LRRC43: variants seen among roughly 807,000 people sequenced by gnomAD.
The protein encoded by LRRC43 is leucine-rich repeat-containing protein 43.
Under a neutral mutation model 64.3 loss-of-function variants are expected in LRRC43, and 62 were observed. The ratio of observed to expected loss-of-function variants is 0.96; its 90% CI spans 0.79 to 1.19. The LOEUF (loss-of-function observed/expected upper bound fraction) is 1.19, where lower values mean the gene tolerates loss of function less well. Ranked by LOEUF, LRRC43 falls within the 50% of genes most tolerant of loss-of-function variation. LRRC43 has a pLI of 0.00. For synonymous variants in LRRC43, 422 were observed against 382.3 expected (o/e 1.10, Z -1.21); for missense variants, 868 against 845.0 (o/e 1.03, Z -0.34).
At chr12:122,186,593 A>G (rs924606701) in intron 3 of LRRC43, among the ~76,000 whole-genome samples, 4 of 152,196 alleles carry the variant, frequency 2.6e-5, no homozygotes, top group Non-Finnish European at 5.9e-5. Context: ...ACACAACTCA[A>G]GGGTCTATAA....
At chr12:122,201,181 A>T in intron 10 of LRRC43, 115 bp from the exon 11 acceptor site, 11 of 1,139,876 alleles carry the variant, frequency 9.7e-6, no homozygotes, top group Non-Finnish European at 1.3e-5. Context: ...TCACCAGGAG[A>T]CCCCCGCCTT....
intron 5 of LRRC43, 88 bp downstream of exon 5, chr12:122,190,456 C>A: frequency 9.5e-7 from 1 of 1,057,808 alleles, no homozygotes. Context: ...TCCGTGTACC[C>A]GTCTGTCCTG....
intron 6 of LRRC43, 89 bp from the exon 7 acceptor site, chr12:122,192,656 G>A (rs1190129794): frequency 6.8e-7 from 1 of 1,465,118 alleles, no homozygotes; most frequent in Non-Finnish European, 9.4e-7. Context: ...TCATCCAGAT[G>A]TCGGGAGCTG....
Position 122,187,815 on chromosome 12 carries a change from A to G in LRRC43, c.637A>G (p.Ser213Gly). The stretch of plus-strand genomic sequence containing the variant: ...CAACAAACTTCTAGGCCCCTTGGAA[A>G]GTCTCTACGTCACCGCTAATCACTG... ...GHNKLLGPLE[S>G]LYVTANHWPN... Residue 213 changes from serine to glycine, a missense_variant, in exon 4 of 12, where the codon AGT becomes GGT. Transcript: ENST00000339777. 6.2e-7 allele frequency: 1 copy of G among 1,614,176 alleles called. No individual in the cohort carries two copies. The highest frequency in any genetic ancestry group is 8.5e-7 in the Non-Finnish European group (1 of 1,180,022).
Position 122,187,766 on chromosome 12 carries a change from C to A in LRRC43, c.588C>A (p.Gly196=), listed in dbSNP as rs764576552. The A allele has an allele frequency of 3.7e-6, 6 of 1,613,986 alleles. No individual in the cohort carries two copies. The highest frequency in any genetic ancestry group is 3.3e-5 in the Admixed American group (2 of 59,994). Residue 196 remains glycine, a synonymous_variant, in exon 4 of 12, where the codon GGC becomes GGA. Coordinates refer to ENST00000339777, the MANE Select transcript of LRRC43 (RefSeq NM_001098519.2). ...MECLCAHPPA[G]LQHLGLGHNK... is the part of the protein sequence containing the mutation. ...GTCTGTGTGCCCACCCACCCGCCGG[C>A]CTGCAGCACTTGGGGTTAGGCCACA...
Position 122,201,338 on chromosome 12 carries a change from C to T in LRRC43, c.1843+9C>T, listed in dbSNP as rs780820828. 30 of 1,613,656 alleles carry T rather than the reference C, an allele frequency of 1.9e-5. No homozygotes were observed. The highest frequency in any genetic ancestry group is 4.4e-5 in the South Asian group (4 of 91,062). ...GAAAGTTGCCAAAAAAGGTGAGTGC[C>T]GATGGTGGTGACCAAAGGCAGGGAT... On this transcript the variant is annotated intron_variant, in intron 11 of 11. Coordinates refer to ENST00000339777, the MANE Select transcript of LRRC43 (RefSeq NM_001098519.2).
At chr12:122,189,557 C>T (rs577748558) in intron 4 of LRRC43, 8 of 454,176 alleles carry the variant, frequency 1.8e-5, no homozygotes, top group Non-Finnish European at 3.1e-5. Context: ...TTGGTCTGGC[C>T]ACAGGCCTTG....
intron 4 of LRRC43, among the ~76,000 whole-genome samples, chr12:122,189,231 G>C (rs920233499): frequency 6.6e-6 from 1 of 152,146 alleles, no homozygotes; most frequent in Non-Finnish European, 1.5e-5. Context: ...GACTTCAGCA[G>C]CCCAGCAAGG....
intron 1 of LRRC43, among the ~76,000 whole-genome samples, chr12:122,183,604 CAA>C (rs1302162716): frequency 3.3e-5 from 5 of 152,282 alleles, no homozygotes; most frequent in African/African-American, 1.2e-4. Context: ...TTGTTTTGGG[CAA>C]AGAGTTCCAC....
At position 122,200,426 on chromosome 12, in the gene LRRC43, C is replaced by G; in HGVS notation, c.1491+96C>G. On this transcript the variant is annotated intron_variant, in intron 8 of 11. Transcript: ENST00000339777. This position sits in a 1 kb window ranked among gnomAD's most constrained non-coding sequence, Gnocchi z 4.6. ...CTGTCCCCCATGGGAGCCGCACTCC[C>G]TGGTTAGATGAGTTCTCAGCGCCAT... is the stretch of plus-strand genomic sequence containing the variant. 6.2e-7 allele frequency: 1 copy of G among 1,608,514 alleles called. No homozygotes were observed. The highest frequency in any genetic ancestry group is 1.7e-5 in the Admixed American group (1 of 59,894).
At chr12:122,201,512 C>T (rs986488214) in intron 11 of LRRC43, among the ~76,000 whole-genome samples, 183 bp downstream of exon 11, 22 of 152,130 alleles carry the variant, frequency 1.4e-4, no homozygotes, top group African/African-American at 4.8e-4. Context: ...ACCACAGGGC[C>T]TGTGTGGGTG....
chr12:122,201,417 G>A (rs1953837636), intron 11 of LRRC43, 88 bp downstream of exon 11: 9 of 1,179,416 alleles, frequency 7.6e-6, no homozygotes, highest in Middle Eastern at 2.3e-4. Context: ...GGAACCAAAG[G>A]GTGGGGAATG....
At position 122,191,397 on chromosome 12, in the gene LRRC43, G is replaced by A; in HGVS notation, c.919G>A (p.Ala307Thr). 1 of 1,612,030 alleles carries A rather than the reference G, an allele frequency of 6.2e-7. No homozygotes were observed. The highest frequency in any genetic ancestry group is 8.5e-7 in the Non-Finnish European group (1 of 1,179,138). Residue 307 changes from alanine to threonine, a missense_variant, in exon 6 of 12, where the codon GCG (alanine) becomes ACG (threonine). Ala to Thr is a moderately conservative substitution (Grantham distance 58). Coordinates refer to ENST00000339777, the MANE Select transcript of LRRC43 (RefSeq NM_001098519.2). ...CCCTGCAGATCTCTTGGCACAGGAG[G>A]CGCAGTTTGTGGTGACCATCGGAAA... is the stretch of plus-strand genomic sequence containing the variant. ...SLNGDLLAQE[A>T]QFVVTIGNIR... is the part of the protein sequence containing the mutation.
intron 6 of LRRC43, among the ~76,000 whole-genome samples, chr12:122,192,319 G>A (rs1253053206): frequency 1.3e-5 from 2 of 151,982 alleles, no homozygotes; most frequent in Non-Finnish European, 2.9e-5. Context: ...TGTATTTTTA[G>A]TAGAGATGGG....
At chr12:122,198,942 A>G (rs1477896922) in intron 7 of LRRC43, among the ~76,000 whole-genome samples, 2 of 147,796 alleles carry the variant, frequency 1.4e-5, no homozygotes, top group African/African-American at 2.5e-5. Context: ...CCATATCACT[A>G]TGTTTCAAAC....
chr12:122,172,649 T>TG (rs750127764), intron 1 of LRRC43: 1 of 1,614,160 alleles, frequency 6.2e-7, no homozygotes, highest in African/African-American at 1.3e-5. Context: ...CCCGGATGGC[T>TG]GGGCTGTGGA....
Position 122,190,365 on chromosome 12 carries a change from G to A in LRRC43, c.898G>A (p.Gly300Ser), listed in dbSNP as rs775347816. The A allele has an allele frequency of 6.2e-6, 10 of 1,612,086 alleles. No homozygotes were observed. The African/African-American group carries it at 1.2e-4, about 19-fold the overall frequency. The change falls in exon 5 of 12, where the codon GGC (glycine) becomes AGC (serine). Residue 300 changes from glycine (G) to serine (S), a missense_variant. Coordinates refer to ENST00000339777, the MANE Select transcript of LRRC43 (RefSeq NM_001098519.2). ...TCTCTTCCGGGGGCTCAGCCTCAATGGCGGTGAGGGTACTGGCATGCAGGG... is the reference window on the plus strand; with the variant it reads ...TCTCTTCCGGGGGCTCAGCCTCAATAGCGGTGAGGGTACTGGCATGCAGGG... Reference protein sequence around the residue: ...KHLFRGLSLNGDLLAQEAQFV... With the variant: ...KHLFRGLSLNSDLLAQEAQFV...
chr12:122,168,112 G>A (rs1192189332), intron 1 of LRRC43, among the ~76,000 whole-genome samples: 1 of 144,928 alleles, frequency 6.9e-6, no homozygotes, highest in African/African-American at 2.5e-5. Flanking sequence ...AACACACCTG[G>A]CAAAAAAAAA....
rs1953492822 is a variant in LRRC43 at position 122,172,351 on chromosome 12, G to A, written c.-406+4569G>A. On this transcript the variant is annotated intron_variant, in intron 1 of 5. Transcript: ENST00000537729. ...AATCACGGCAGAGTTCCCACACTTA[G>A]CTGTCGGTCATCTTTTTAAGGCTCC... The A allele has an allele frequency of 2.5e-6, 3 of 1,198,882 alleles. No individual in the cohort carries two copies. The Admixed American group carries it at 6.1e-5, about 24-fold the overall frequency. 74.3% of individuals were successfully genotyped at this position (1,198,882 alleles called of 1,614,324 possible).
Sources: allele counts gnomAD v4.1 joint callset (sites outside exome capture counted in the v4.1 genomes callset), GRCh38; gene constraint gnomAD v4.1.1; non-coding constraint Gnocchi (gnomAD v3.1); transcripts MANE v1.5; gene names NCBI Gene and HGNC (gene_info 2026-07-23, HGNC 2026-07-21).